CD86: variants seen among roughly 807,000 people sequenced by gnomAD.
CD86 encodes CD86 molecule, also known as T-lymphocyte activation antigen CD86.
A neutral mutation model predicts 32.1 loss-of-function variants in CD86; 11 were observed. The ratio of observed to expected loss-of-function variants is 0.34; its 90% CI spans 0.22 to 0.57. The LOEUF (loss-of-function observed/expected upper bound fraction) is 0.57, where lower values mean the gene tolerates loss of function less well. CD86 is among the 20% of genes least tolerant of loss of function. The pLI is 0.86. For synonymous variants in CD86, 137 were observed against 135.3 expected, an observed-to-expected ratio of 1.01 and a Z score of -0.09; for missense variants, 359 against 398.4, an observed-to-expected ratio of 0.90 and a Z score of 0.84.
chr3:122,065,306 C>T (rs1267402987), intron 1 of CD86, among the ~76,000 whole-genome samples: 1 of 152,112 alleles, frequency 6.6e-6, no homozygotes, highest in African/African-American at 2.4e-5. Flanking sequence ...CAATTTTTGG[C>T]AACCATACGA....
At chr3:122,067,059 T>C (rs2107503725) in intron 1 of CD86, among the ~76,000 whole-genome samples, 1 of 152,094 alleles carries the variant, frequency 6.6e-6, no homozygotes, top group Non-Finnish European at 1.5e-5. Context: ...TTTCAAAGGT[T>C]CTAGGGGTGG....
At chr3:122,083,501 A>C (rs2072665282) in intron 1 of CD86, among the ~76,000 whole-genome samples, 1 of 152,084 alleles carries the variant, frequency 6.6e-6, no homozygotes, top group Non-Finnish European at 1.5e-5. Flanking sequence ...CTACCTATTC[A>C]ATCTGTTCTG....
intron 1 of CD86, among the ~76,000 whole-genome samples, chr3:122,090,055 CCT>C (rs1183651459): frequency 1.3e-5 from 2 of 152,092 alleles, no homozygotes; most frequent in Admixed American, 6.6e-5. Flanking sequence ...AGTGATCACC[CCT>C]GTTACCTCTG....
At chr3:122,088,182 C>CTTTT (rs60476471) in intron 1 of CD86, among the ~76,000 whole-genome samples, 51 of 113,328 alleles carry the variant, frequency 4.5e-4, no homozygotes, top group African/African-American at 1.1e-3. Context: ...AAAGGGCCCT[C>CTTTT]TTTTTTTTTT....
chr3:122,093,250 G>C (rs966647045), intron 2 of CD86, among the ~76,000 whole-genome samples: 1 of 152,080 alleles, frequency 6.6e-6, no homozygotes, highest in African/African-American at 2.4e-5. Flanking sequence ...TCGATTACCT[G>C]GGCTCAAGCA....
intron 2 of CD86, among the ~76,000 whole-genome samples, chr3:122,094,079 T>G (rs2072870526): frequency 6.6e-6 from 1 of 152,176 alleles, no homozygotes; most frequent in Non-Finnish European, 1.5e-5. Flanking sequence ...GACACCTCAG[T>G]TGACCCAAGA....
At chr3:122,097,458 G>A (rs1487168070) in intron 2 of CD86, among the ~76,000 whole-genome samples, 3 of 152,154 alleles carry the variant, frequency 2.0e-5, no homozygotes, top group Non-Finnish European at 4.4e-5. Context: ...TTACTACGAC[G>A]GTATAATCAA....
At chr3:122,064,711 G>T (rs1001461811) in intron 1 of CD86, among the ~76,000 whole-genome samples, 1 of 152,148 alleles carries the variant, frequency 6.6e-6, no homozygotes, top group Admixed American at 6.5e-5. Flanking sequence ...ATCTGGAGGG[G>T]CTGGTTTGGT....
At chr3:122,087,501 C>T (rs1009974623) in intron 1 of CD86, among the ~76,000 whole-genome samples, 5 of 152,132 alleles carry the variant, frequency 3.3e-5, no homozygotes, top group Non-Finnish European at 5.9e-5. Context: ...CCCACACCCT[C>T]GCACACACAC....
intron 1 of CD86, among the ~76,000 whole-genome samples, chr3:122,084,238 C>T (rs929627232): frequency 2.6e-5 from 4 of 152,212 alleles, no homozygotes; most frequent in African/African-American, 9.6e-5. Flanking sequence ...CTGCCCACCT[C>T]GGCCTCCCAA....
intron 2 of CD86, among the ~76,000 whole-genome samples, chr3:122,092,513 A>C (rs891999288): frequency 2.0e-5 from 3 of 151,974 alleles, no homozygotes; most frequent in African/African-American, 7.3e-5. Context: ...CTCCCCTCAA[A>C]ATTTTAACAG....
At position 122,120,422 on chromosome 3, in the gene CD86, T is replaced by A. The variant is rs569419464; in HGVS notation, c.*888T>A. On this transcript the variant is annotated 3_prime_UTR_variant, in exon 7 of 7. Transcript: ENST00000330540. ...GAGAGAGAGAGAGAAAAAAGAGAGATCTTGATCCACAGAAATACATGAAAT... is the reference window on the plus strand; with the variant it reads ...GAGAGAGAGAGAGAAAAAAGAGAGAACTTGATCCACAGAAATACATGAAAT... The A allele has an allele frequency of 1.3e-5, 2 of 152,228 alleles. No individual in the cohort carries two copies. Among genetic ancestry groups the A allele is most frequent in the Non-Finnish European group, 2.9e-5 (2 of 68,106 alleles). The allele number at this position is 152,228 out of a possible 1,614,324, so 9.4% of individuals were successfully genotyped here.
intron 4 of CD86, 59 bp downstream of exon 4, chr3:122,106,559 C>A: frequency 7.1e-7 from 1 of 1,417,500 alleles, no homozygotes; most frequent in Non-Finnish European, 9.6e-7. Context: ...ATGCTTAAGG[C>A]AGATCATCCA....
chr3:122,099,528 C>T (rs1439068186), intron 2 of CD86, among the ~76,000 whole-genome samples: 3 of 152,164 alleles, frequency 2.0e-5, no homozygotes, highest in Admixed American at 6.5e-5. Flanking sequence ...GTCACCAGTC[C>T]GCACAACTGA....
Position 122,074,341 on chromosome 3 carries a change from G to A in CD86, c.15-17260G>A, listed in dbSNP as rs6781910. Among the ~76,000 whole-genome samples the A allele has an allele frequency of 5.4e-3, 820 of 152,190 alleles. 5 individuals carry two copies. The highest frequency in any genetic ancestry group is 0.018 in the African/African-American group (761 of 41,506). On this transcript the variant is annotated intron_variant, in intron 1 of 6. Transcript: ENST00000330540. ...CCTCTCTTTTCACCTCTAAGCCACC[G>A]GTATCATCTCTTCCATGGGCTTTCA...
chr3:122,085,343 T>C (rs1305393238), intron 1 of CD86, among the ~76,000 whole-genome samples: 1 of 152,222 alleles, frequency 6.6e-6, no homozygotes, highest in African/African-American at 2.4e-5. Flanking sequence ...AAGCCTATCT[T>C]ACTCTTCCCA....
intron 1 of CD86, chr3:122,086,667 C>T (rs535938148): frequency 1.1e-5 from 5 of 454,840 alleles, no homozygotes; most frequent in South Asian, 7.8e-5. Flanking sequence ...GGTATTCGAG[C>T]AGTGTTTGCA....
At chr3:122,061,444 T>C (rs553152418) in intron 1 of CD86, among the ~76,000 whole-genome samples, 2 of 152,306 alleles carry the variant, frequency 1.3e-5, no homozygotes, top group Admixed American at 6.5e-5. Flanking sequence ...AAAAAGTTCA[T>C]TCTCACCAAA....
chr3:122,068,250 C>T (rs2072441729), intron 1 of CD86, among the ~76,000 whole-genome samples: 1 of 152,068 alleles, frequency 6.6e-6, no homozygotes, highest in Non-Finnish European at 1.5e-5. Context: ...ACATAAGGTG[C>T]TTTCACGGAC....
Sources: gnomAD v4.1 joint callset for allele counts (sites outside exome capture counted in the v4.1 genomes callset) on GRCh38, gnomAD v4.1.1 for gene constraint, MANE v1.5 for transcripts, NCBI Gene and HGNC (gene_info 2026-07-23, HGNC 2026-07-21) for gene names.